Variants in CSTPP1 observed in about 807,000 individuals in gnomAD.
CSTPP1 encodes UPF0705 protein C11orf49.
chr11:47,088,201 G>C, the CSTPP1 span, among the ~76,000 whole-genome samples: 1 of 152,182 alleles, frequency 6.6e-6, no homozygotes, highest in African/African-American at 2.4e-5. Context: ...AAGTGGGGGA[G>C]TATCATAGAA....
the CSTPP1 span, among the ~76,000 whole-genome samples, chr11:47,097,674 G>GT: frequency 1.3e-5 from 1 of 77,722 alleles, no homozygotes; most frequent in African/African-American, 4.4e-5. Flanking sequence ...CGTCCGGGAG[G>GT]GAGGTGGGGG....
the CSTPP1 span, among the ~76,000 whole-genome samples, chr11:46,966,930 G>T: frequency 6.6e-6 from 1 of 152,056 alleles, no homozygotes; most frequent in Non-Finnish European, 1.5e-5. Flanking sequence ...AGATCAAGGT[G>T]CTGGCCAATT....
At chr11:47,055,321 TC>T in the CSTPP1 span, among the ~76,000 whole-genome samples, 3 of 151,810 alleles carry the variant, frequency 2.0e-5, no homozygotes, top group African/African-American at 7.3e-5. Context: ...TTTCTTGCCT[TC>T]CTTCCTTCGT....
At chr11:47,106,154 C>T in the CSTPP1 span, among the ~76,000 whole-genome samples, 10 of 152,202 alleles carry the variant, frequency 6.6e-5, no homozygotes, top group African/African-American at 2.2e-4. Context: ...ACAGGGAAAC[C>T]GCTCCCATGG....
the CSTPP1 span, among the ~76,000 whole-genome samples, chr11:47,083,153 C>T: frequency 1.3e-5 from 2 of 151,918 alleles, no homozygotes; most frequent in Non-Finnish European, 2.9e-5. Context: ...TCTGTTCCTG[C>T]GTTAGTTTGC....
chr11:47,074,706 C>T, the CSTPP1 span, among the ~76,000 whole-genome samples: 10 of 152,268 alleles, frequency 6.6e-5, no homozygotes, highest in African/African-American at 1.9e-4. Context: ...GTGATAATTA[C>T]AATGTATACA....
chr11:47,083,660 C>T, the CSTPP1 span, among the ~76,000 whole-genome samples: 2 of 152,176 alleles, frequency 1.3e-5, no homozygotes. Flanking sequence ...TGGTATCTCA[C>T]TATCCTTTTG....
the CSTPP1 span, among the ~76,000 whole-genome samples, chr11:47,045,678 T>G: frequency 6.6e-6 from 1 of 152,056 alleles, no homozygotes; most frequent in East Asian, 1.9e-4. Flanking sequence ...GAACCAAGAG[T>G]GAAGGAGCAG....
chr11:47,076,377 G>C, the CSTPP1 span, among the ~76,000 whole-genome samples: 1 of 152,176 alleles, frequency 6.6e-6, no homozygotes, highest in African/African-American at 2.4e-5. Context: ...GAAATGACCA[G>C]GTTTCCGCCC....
chr11:47,112,592 G>T, the CSTPP1 span, among the ~76,000 whole-genome samples: 2 of 152,282 alleles, frequency 1.3e-5, no homozygotes, highest in South Asian at 2.1e-4. Context: ...AAACTGTCAG[G>T]ACTACAGGCG....
At chr11:47,078,015 A>G in the CSTPP1 span, among the ~76,000 whole-genome samples, 6 of 152,254 alleles carry the variant, frequency 3.9e-5, no homozygotes, top group Non-Finnish European at 8.8e-5. Flanking sequence ...GTCATAAATG[A>G]GTAAATACTG....
At chr11:46,965,479 CCTCCCAA>C in the CSTPP1 span, among the ~76,000 whole-genome samples, 1 of 152,100 alleles carries the variant, frequency 6.6e-6, no homozygotes, top group South Asian at 2.1e-4. Context: ...CCCGCCTGGG[CCTCCCAA>C]AGTGTTAGGA....
chr11:47,059,163 G>A, the CSTPP1 span, among the ~76,000 whole-genome samples: 1 of 152,152 alleles, frequency 6.6e-6, no homozygotes, highest in Admixed American at 6.6e-5. Flanking sequence ...TGGACACAGG[G>A]AGGAGAACAT....
the CSTPP1 span, among the ~76,000 whole-genome samples, chr11:47,106,651 AAAAG>A: frequency 3.3e-5 from 5 of 151,964 alleles, no homozygotes; most frequent in African/African-American, 1.2e-4. Context: ...TCAAAAAAAA[AAAAG>A]AAAAGAAAAG....
At chr11:47,080,388 G>A in the CSTPP1 span, among the ~76,000 whole-genome samples, 4 of 151,752 alleles carry the variant, frequency 2.6e-5, no homozygotes, top group Admixed American at 6.6e-5. Context: ...CCGGGAGATG[G>A]AGGTTGCAGT....
At chr11:47,095,036 T>G in the CSTPP1 span, among the ~76,000 whole-genome samples, 1 of 152,206 alleles carries the variant, frequency 6.6e-6, no homozygotes, top group Non-Finnish European at 1.5e-5. Context: ...AAAAATTGCT[T>G]CTTTTCAGCT....
At chr11:46,936,796 C>G in the CSTPP1 span, 7 of 1,610,406 alleles carry the variant, frequency 4.3e-6, no homozygotes, top group South Asian at 3.3e-5. Context: ...GAAGCCACCC[C>G]GGTCAAAGGA....
At chr11:47,025,340 C>G in the CSTPP1 span, among the ~76,000 whole-genome samples, 2 of 152,100 alleles carry the variant, frequency 1.3e-5, no homozygotes, top group African/African-American at 4.8e-5. Context: ...GAGATGATAA[C>G]CATGAAGAGG....
chr11:47,079,293 TAAAAG>T, the CSTPP1 span, among the ~76,000 whole-genome samples: 1 of 152,098 alleles, frequency 6.6e-6, no homozygotes, highest in Non-Finnish European at 1.5e-5. Flanking sequence ...TGGATTCAGA[TAAAAG>T]AAGAGCAGAA....
Sources: allele counts gnomAD v4.1 joint callset (sites outside exome capture counted in the v4.1 genomes callset), GRCh38; gene constraint gnomAD v4.1.1; transcripts MANE v1.5; gene names NCBI Gene and HGNC (gene_info 2026-07-23, HGNC 2026-07-21).